Variants in KRT8 observed in about 807,000 individuals in gnomAD.
KRT8 encodes the protein keratin, type II cytoskeletal 8.
In KRT8, 24 loss-of-function variants were observed where a neutral mutation model predicts 43.0. That is an observed-to-expected ratio of 0.56 (90% CI 0.40 to 0.78). The LOEUF is 0.78. KRT8 is among the 30% of genes least tolerant of loss of function. The probability of loss-of-function intolerance (pLI) is 0.00; values close to 1 mark genes in which losing one functional copy is unlikely to be tolerated. For missense variants in KRT8, 492 were observed against 638.4 expected, an observed-to-expected ratio of 0.77 and a Z score of 2.47; for synonymous variants, 214 against 261.2, an observed-to-expected ratio of 0.82 and a Z score of 1.74.
chr12:52,935,571 G>A (rs948159604), intron 2 of KRT8, among the ~76,000 whole-genome samples: 8 of 147,994 alleles, frequency 5.4e-5, no homozygotes, highest in South Asian at 4.3e-4. Context: ...AAGGAAAACC[G>A]TTCGTGACCT....
At chr12:52,942,514 C>T (rs1388153936) in intron 2 of KRT8, among the ~76,000 whole-genome samples, 1 of 152,182 alleles carries the variant, frequency 6.6e-6, no homozygotes, top group African/African-American at 2.4e-5. Flanking sequence ...CTCACCTTCC[C>T]CATCTCACGC....
intron 4 of KRT8, 99 bp from the exon 5 acceptor site, chr12:52,900,164 G>A (rs1207522783): frequency 1.6e-6 from 2 of 1,257,266 alleles, no homozygotes; most frequent in Non-Finnish European, 2.2e-6. Flanking sequence ...AGGGGCAGCA[G>A]AGGAGAGGAG....
At chr12:52,927,588 C>G (rs1354422703) in intron 2 of KRT8, among the ~76,000 whole-genome samples, 1 of 152,234 alleles carries the variant, frequency 6.6e-6, no homozygotes, top group African/African-American at 2.4e-5. Flanking sequence ...TGCCTGCCAA[C>G]TGGGCCACTG....
exon 1 of KRT8, chr12:52,949,750 C>T (rs1942444128): frequency 1.4e-6 from 1 of 736,410 alleles, no homozygotes; most frequent in African/African-American, 1.7e-5. Flanking sequence ...CACAGGGTCC[C>T]TAAGAGCAGC....
chr12:52,899,096 C>T lies in KRT8; in HGVS notation c.982-197G>A, dbSNP rs1402936556. The T allele has an allele frequency of 6.4e-5, 39 of 608,334 alleles. 1 individual carries two copies. In the Admixed American group the frequency reaches 7.0e-4, roughly 11 times the overall value. 37.7% of individuals were successfully genotyped at this position (608,334 alleles called of 1,614,324 possible). ...TTGGGAGGCCGAGGCGGGCAGATCA[C>T]AAGGTCAGGAGATCGAGGCCATCCT... On this transcript the variant is annotated intron_variant, in intron 5 of 7. Coordinates refer to ENST00000692008, the Ensembl canonical transcript of KRT8.
At chr12:52,947,280 T>C (rs1434535248) in intron 2 of KRT8, 1 of 152,140 alleles carries the variant, frequency 6.6e-6, no homozygotes, top group Non-Finnish European at 1.5e-5. Flanking sequence ...TCTTGGAGGA[T>C]GCAGTCCCCT....
intron 2 of KRT8, among the ~76,000 whole-genome samples, chr12:52,913,347 AT>A (rs1941672564): frequency 6.6e-6 from 1 of 152,164 alleles, no homozygotes; most frequent in South Asian, 2.1e-4. Context: ...TGATTCTGGT[AT>A]TCCCCGCTTC....
At chr12:52,949,006 C>T (rs1942404370) in intron 2 of KRT8, 1 of 576,178 alleles carries the variant, frequency 1.7e-6, no homozygotes, top group Non-Finnish European at 3.0e-6. Context: ...CGGCCCGGGG[C>T]GGAGGGCGCG....
chr12:52,947,469 TTTTATTTA>T (rs72148819), intron 2 of KRT8: 2 of 150,410 alleles, frequency 1.3e-5, no homozygotes, highest in Non-Finnish European at 1.5e-5. Flanking sequence ...GACACATTAC[TTTTATTTA>T]TTTATTTATT....
At chr12:52,911,507 T>A (rs948540198), upstream of KRT8, among the ~76,000 whole-genome samples, 1 of 152,198 alleles carries the variant, frequency 6.6e-6, no homozygotes, top group African/African-American at 2.4e-5. Context: ...AGACATATAG[T>A]CACTTATTCC....
At chr12:52,949,215 G>C (rs760023196) in intron 2 of KRT8, 1 of 1,611,784 alleles carries the variant, frequency 6.2e-7, no homozygotes. Flanking sequence ...CCAACTACCG[G>C]TCCCTGGGCT....
At chr12:52,911,465 T>A (rs537370000), upstream of KRT8, among the ~76,000 whole-genome samples, 1 of 152,334 alleles carries the variant, frequency 6.6e-6, no homozygotes, top group African/African-American at 2.4e-5. Flanking sequence ...AAGTCCCTAA[T>A]GGCCTTTACT....
intron 7 of KRT8, 125 bp downstream of exon 7, chr12:52,898,336 T>C: frequency 1.3e-6 from 1 of 780,592 alleles, no homozygotes; most frequent in Non-Finnish European, 2.2e-6. Context: ...ACCCTAGGAT[T>C]CTCCCAAGAA....
At chr12:52,904,621 C>T in intron 1 of KRT8, 37 bp downstream of exon 1, 1 of 1,590,522 alleles carries the variant, frequency 6.3e-7, no homozygotes, top group Non-Finnish European at 8.6e-7. Context: ...GAGAAAGGGG[C>T]TGCGGGCACA....
At chr12:52,900,965 C>T (rs974239883) in intron 3 of KRT8, 194 bp downstream of exon 3, 2 of 661,766 alleles carry the variant, frequency 3.0e-6, no homozygotes, top group Non-Finnish European at 5.5e-6. Context: ...TGTCCCAACA[C>T]CGATGTCAAG....
chr12:52,949,735 C>CA lies in KRT8; in HGVS notation c.-198_-197insT, dbSNP rs1565737840. 5 of 773,478 alleles carry CA rather than the reference C, an allele frequency of 6.5e-6. No individual in the cohort carries two copies. The East Asian group carries it at 1.3e-4, about 21-fold the overall frequency. The allele number at this position is 773,478 out of a possible 1,614,324, so 47.9% of individuals were successfully genotyped here. On this transcript the variant is annotated 5_prime_UTR_variant, in exon 1 of 7. Transcript: ENST00000546826. The stretch of plus-strand genomic sequence containing the variant: ...CATACCTGGATTTCCATCCGCGCAC[C>CA]TAGCCACAGGGTCCCTAAGAGCAGC...
intron 2 of KRT8, among the ~76,000 whole-genome samples, chr12:52,914,279 G>A (rs1260971869): frequency 6.6e-6 from 1 of 151,514 alleles, no homozygotes; most frequent in African/African-American, 2.4e-5. Context: ...GCTCACGCCT[G>A]TAATCCCAGC....
intron 2 of KRT8, among the ~76,000 whole-genome samples, chr12:52,914,201 C>A (rs552258652): frequency 2.0e-5 from 3 of 151,488 alleles, no homozygotes; most frequent in African/African-American, 7.3e-5. Flanking sequence ...CCAGCCTGGG[C>A]GACAGAGCGA....
In KRT8 at chr12:52,931,657, C is replaced by CATATATATATATAT. The variant is rs34460731; in HGVS notation, c.-47+17785_-47+17798dup. 7.4e-3 allele frequency among the ~76,000 whole-genome samples: 1,085 copies of CATATATATATATAT among 147,134 alleles called. 15 individuals carry two copies. Among genetic ancestry groups the CATATATATATATAT allele is most frequent in the African/African-American group, 0.026 (1,011 of 39,602 alleles). On this transcript the variant is annotated intron_variant, in intron 2 of 6. Coordinates refer to the KRT8 transcript ENST00000546826. ...CTTTCTCCACTACTCATTGGCTCCC[C>CATATATATATATAT]ATATATATATATATATATATTTGAG...
Sources: allele counts gnomAD v4.1 joint callset (sites outside exome capture counted in the v4.1 genomes callset), GRCh38; gene constraint gnomAD v4.1.1; transcripts MANE v1.5; gene names NCBI Gene and HGNC (gene_info 2026-07-23, HGNC 2026-07-21).